AFM: variants seen among roughly 807,000 people sequenced by gnomAD.
AFM encodes the protein alpha-Alb.
A neutral mutation model predicts 68.7 loss-of-function variants in AFM; 82 were observed. The observed-to-expected ratio is 1.19, with a 90% CI of 1.00 to 1.43. AFM has a LOEUF of 1.43. AFM is among the 40% of genes most tolerant of loss of function. The probability of loss-of-function intolerance (pLI) is 0.00; values close to 1 mark genes in which losing one functional copy is unlikely to be tolerated. For synonymous variants in AFM, 250 were observed against 234.2 expected, an observed-to-expected ratio of 1.07 and a Z score of -0.61; for missense variants, 772 against 701.8, an observed-to-expected ratio of 1.10 and a Z score of -1.13.
Position 73,500,004 on chromosome 4 carries a change from G to A in AFM, c.1423G>A (p.Ala475Thr), listed in dbSNP as rs1332020869. 1 of 1,613,378 alleles carries A rather than the reference G, an allele frequency of 6.2e-7. No homozygotes were observed. The highest frequency in any genetic ancestry group is 8.5e-7 in the Non-Finnish European group (1 of 1,179,496). Residue 475 changes from alanine (A) to threonine (T), a missense_variant and splice_region_variant, in exon 12 of 15, where the codon GCA (alanine) becomes ACA (threonine). Coordinates refer to ENST00000226355, the MANE Select transcript of AFM (RefSeq NM_001133.2). ...SEEFACVDNLADLVFGELCGV... is the reference protein window; with the variant it reads ...SEEFACVDNLTDLVFGELCGV... ...TCAGTTGCAACTCTTGTTGGTACAGGCAGATTTAGTTTTTGGAGAGTTATG... is the reference window on the plus strand; with the variant it reads ...TCAGTTGCAACTCTTGTTGGTACAGACAGATTTAGTTTTTGGAGAGTTATG...
chr4:73,490,091 G>A (rs1159452609), intron 7 of AFM, among the ~76,000 whole-genome samples: 1 of 151,564 alleles, frequency 6.6e-6, no homozygotes, highest in Non-Finnish European at 1.5e-5. Context: ...GACTCAGGAA[G>A]CTAAGGAGGG....
At chr4:73,493,278 C>T (rs1249357669) in intron 8 of AFM, among the ~76,000 whole-genome samples, 3 of 152,174 alleles carry the variant, frequency 2.0e-5, no homozygotes, top group Non-Finnish European at 4.4e-5. Context: ...AGGACAAATT[C>T]ACTTTCAGTT....
At position 73,503,111 on chromosome 4, in the gene AFM, G is replaced by A. The variant is rs577393047; in HGVS notation, c.*40+1G>A. 2.5e-6 allele frequency: 4 copies of A among 1,605,886 alleles called. No homozygotes were observed. Among genetic ancestry groups the A allele is most frequent in the South Asian group, 1.1e-5 (1 of 90,854 alleles). ...ATATGTAAAGAAAAAAGCACCAAAGGTAATACCCTCTGCCTCATTCAAATG... is the reference window on the plus strand; with the variant it reads ...ATATGTAAAGAAAAAAGCACCAAAGATAATACCCTCTGCCTCATTCAAATG... On this transcript the variant is annotated splice_donor_variant, in intron 14 of 14. Transcript: ENST00000226355. LOFTEE classifies it low-confidence loss of function (3UTR_SPLICE).
intron 7 of AFM, among the ~76,000 whole-genome samples, chr4:73,490,371 C>A (rs916020836): frequency 6.6e-6 from 1 of 151,800 alleles, no homozygotes; most frequent in African/African-American, 2.4e-5. Flanking sequence ...ATCTCCTTTG[C>A]GATTTATTTT....
intron 12 of AFM, among the ~76,000 whole-genome samples, chr4:73,500,767 A>C (rs1453367813): frequency 1.3e-5 from 2 of 152,210 alleles, no homozygotes; most frequent in African/African-American, 4.8e-5. Context: ...GTAGTCATGT[A>C]TACCATAATA....
intron 13 of AFM, among the ~76,000 whole-genome samples, chr4:73,502,632 A>G (rs1179911750): frequency 1.3e-5 from 2 of 152,158 alleles, no homozygotes; most frequent in Non-Finnish European, 2.9e-5. Context: ...ACTCCACTCC[A>G]AACTCACAAT....
intron 10 of AFM, 78 bp downstream of exon 10, chr4:73,497,827 C>A: frequency 1.0e-6 from 1 of 953,036 alleles, no homozygotes. Context: ...AAAAAGTTAG[C>A]TGTCAAGTTT....
chr4:73,503,174 T>G (rs1042878093), intron 14 of AFM, 64 bp downstream of exon 14: 1 of 1,241,546 alleles, frequency 8.1e-7, no homozygotes, highest in African/African-American at 1.5e-5. Context: ...TCCTTGCCTT[T>G]TCTCCCTCAT....
chr4:73,485,431 G>A (rs2149342893), intron 3 of AFM, among the ~76,000 whole-genome samples: 1 of 152,176 alleles, frequency 6.6e-6, no homozygotes, highest in South Asian at 2.1e-4. Context: ...TGGCACACCT[G>A]TTCTCCCAGC....
rs150979454 is a variant in AFM at position 73,502,011 on chromosome 4, A to G, written c.1779+92A>G. On this transcript the variant is annotated intron_variant, in intron 13 of 14. Transcript: ENST00000226355. ...CTGCAGGACACTGCTTCCTCTCTGC[A>G]GTGTCTACCAGGACTACATTTGAGA... is the stretch of plus-strand genomic sequence containing the variant. 2.7e-4 allele frequency: 367 copies of G among 1,379,700 alleles called. No individual in the cohort carries two copies. The African/African-American group carries it at 4.9e-3, about 18-fold the overall frequency. The allele number at this position is 1,379,700 out of a possible 1,614,324, so 85.5% of individuals were successfully genotyped here.
At chr4:73,500,371 A>G in intron 12 of AFM, 144 bp downstream of exon 12, 1 of 726,712 alleles carries the variant, frequency 1.4e-6, no homozygotes, top group Admixed American at 3.2e-5. Flanking sequence ...TCTATATGGA[A>G]AAATACAAGT....
At chr4:73,497,885 G>C in intron 10 of AFM, 136 bp downstream of exon 10, 1 of 487,198 alleles carries the variant, frequency 2.1e-6, no homozygotes, top group East Asian at 3.4e-5. Context: ...TTTTTTTAAA[G>C]TCAAGAATGC....
intron 12 of AFM, 107 bp downstream of exon 12, chr4:73,500,334 T>C (rs1490038471): frequency 4.1e-6 from 4 of 987,062 alleles, no homozygotes; most frequent in Admixed American, 2.7e-5. Flanking sequence ...CACAATCCTG[T>C]TCCTTCCACC....
chr4:73,502,996 CTA>C, intron 13 of AFM, 52 bp from the exon 14 acceptor site: 1 of 1,514,192 alleles, frequency 6.6e-7, no homozygotes, highest in Non-Finnish European at 9.2e-7. Flanking sequence ...TAAATTTAAA[CTA>C]GTGTCTTAAA....
intron 7 of AFM, among the ~76,000 whole-genome samples, chr4:73,489,196 T>C (rs1720999749): frequency 6.6e-6 from 1 of 152,176 alleles, no homozygotes; most frequent in East Asian, 1.9e-4. Flanking sequence ...TCCAAATAAG[T>C]GGATACATTA....
rs754427485 is a variant in AFM at position 73,483,970 on chromosome 4, G to A, written c.118G>A (p.Glu40Lys). 10 of 1,529,932 alleles carry A rather than the reference G, an allele frequency of 6.5e-6. No homozygotes were observed. Among genetic ancestry groups the A allele is most frequent in the Non-Finnish European group, 9.0e-6 (10 of 1,116,830 alleles). 94.8% of individuals were successfully genotyped at this position (1,529,932 alleles called of 1,614,324 possible). ...ENFNSTQKFIEDNIEYITIIA... is the reference protein window; with the variant it reads ...ENFNSTQKFIKDNIEYITIIA... The stretch of plus-strand genomic sequence containing the variant: ...CTTCAATAGTACTCAAAAATTTATA[G>A]AAGATAATATTGAATACATGTGAGT... The change falls in exon 2 of 15, where the codon GAA (glutamate) becomes AAA (lysine). Residue 40 changes from glutamate (E) to lysine (K), a missense_variant. Coordinates refer to ENST00000226355, the MANE Select transcript of AFM (RefSeq NM_001133.2).
At position 73,500,102 on chromosome 4, in the gene AFM, G is replaced by A. The variant is rs185425704; in HGVS notation, c.1521G>A (p.Arg507=). 6.2e-7 allele frequency: 1 copy of A among 1,614,016 alleles called. No homozygotes were observed. Among genetic ancestry groups the A allele is most frequent in the East Asian group, 2.2e-5 (1 of 44,866 alleles). The change falls in exon 12 of 15, where the codon AGG becomes AGA. Residue 507 remains arginine (R), a synonymous_variant. Coordinates refer to ENST00000226355, the MANE Select transcript of AFM (RefSeq NM_001133.2). ...HCCKTNFAFR[R]PCFESLKADK... is the part of the protein sequence containing the mutation. Reference sequence around the variant, plus strand: ...GTAAAACAAACTTTGCCTTCAGAAGGCCCTGCTTTGAGAGTTTGAAAGCTG... The same window carrying A: ...GTAAAACAAACTTTGCCTTCAGAAGACCCTGCTTTGAGAGTTTGAAAGCTG...
chr4:73,493,303 C>G (rs545638384), intron 8 of AFM, among the ~76,000 whole-genome samples: 162 of 152,304 alleles, frequency 1.1e-3, no homozygotes, highest in Non-Finnish European at 1.1e-3. Context: ...GAAACCTCAT[C>G]TGAAGAAAAT....
At chr4:73,487,140 C>T (rs753151924) in intron 5 of AFM, 41 bp downstream of exon 5, 1 of 1,606,792 alleles carries the variant, frequency 6.2e-7, no homozygotes, top group South Asian at 1.1e-5. Flanking sequence ...TAAGAAATCA[C>T]TCAATACCAC....
Sources: gnomAD v4.1 joint callset for allele counts (sites outside exome capture counted in the v4.1 genomes callset) on GRCh38, gnomAD v4.1.1 for gene constraint, MANE v1.5 for transcripts, NCBI Gene and HGNC (gene_info 2026-07-23, HGNC 2026-07-21) for gene names.